Variants in MMUT observed in about 807,000 individuals in gnomAD.
MMUT encodes the protein methylmalonyl-CoA mutase.
Under a neutral mutation model 79.9 loss-of-function variants are expected in MMUT, and 79 were observed. That is an observed-to-expected ratio of 0.99 (90% CI 0.82 to 1.19). The LOEUF is 1.19. Among genes scored for constraint, MMUT ranks in the 50% most tolerant of loss-of-function variants. MMUT has a pLI of 0.00. For synonymous variants in MMUT, 273 were observed against 295.7 expected, an observed-to-expected ratio of 0.92 and a Z score of 0.79; for missense variants, 860 against 917.2, an observed-to-expected ratio of 0.94 and a Z score of 0.81.
At chr6:49,432,017 A>G (rs1766992963) in intron 12 of MMUT, among the ~76,000 whole-genome samples, 161 bp from the exon 13 acceptor site, 1 of 152,180 alleles carries the variant, frequency 6.6e-6, no homozygotes, top group African/African-American at 2.4e-5. Context: ...TGGGAGTGCT[A>G]CTAATAGTCA....
Position 49,453,736 on chromosome 6 carries a change from A to G in MMUT, c.932T>C (p.Ile311Thr). Residue 311 changes from isoleucine to threonine, a missense_variant, in exon 5 of 13, where the codon ATT becomes ACT. Ile to Thr is a moderately conservative substitution (Grantham distance 89). Coordinates refer to ENST00000274813, the MANE Select transcript of MMUT (RefSeq NM_000255.4). ...FAPRLSFFWG[I>T]GMNFYMEIAK... is the part of the protein sequence containing the mutation. ...TATTTCCATATAGAAATTCATTCCA[A>G]TTCCCCAGAAGAAAGACAACCTAAA... 6.2e-7 allele frequency: 1 copy of G among 1,612,884 alleles called. No individual in the cohort carries two copies. Among genetic ancestry groups the G allele is most frequent in the Non-Finnish European group, 8.5e-7 (1 of 1,179,312 alleles).
rs555369519 is a variant in MMUT, at chr6:49,439,748, C to G, written c.1956+458G>C. Among the ~76,000 whole-genome samples, 5 of 152,268 alleles carry G rather than the reference C, an allele frequency of 3.3e-5. No individual in the cohort carries two copies. In the South Asian group the frequency reaches 1.0e-3, roughly 32 times the overall value. ...TCTCAACAGGTCCCACACCACTGGA[C>G]CCCTTACTGAGGGAGAAGGTCCCTG... On this transcript the variant is annotated intron_variant, in intron 11 of 12. Transcript: ENST00000274813.
rs192605776 is a variant in MMUT at position 49,431,602 on chromosome 6, T to C, written c.*126A>G. ...CACCAGGCCTATAAGTAAGGTATTT[T>C]AAAGTAAAGCTTTCAAGGAAAGTAC... On this transcript the variant is annotated 3_prime_UTR_variant, in exon 13 of 13. Transcript: ENST00000274813. 3.2e-3 allele frequency: 3,299 copies of C among 1,021,340 alleles called. 9 individuals carry two copies. The highest frequency in any genetic ancestry group is 4.2e-3 in the Non-Finnish European group (2,820 of 677,522). The allele number at this position is 1,021,340 out of a possible 1,614,324, so 63.3% of individuals were successfully genotyped here. A position where few individuals can be genotyped will look rare whatever the true frequency, so the allele number is the denominator to read the frequency against.
At chr6:49,453,878 T>G (rs1767621820) in intron 4 of MMUT, 122 bp from the exon 5 acceptor site, 1 of 854,316 alleles carries the variant, frequency 1.2e-6, no homozygotes, top group African/African-American at 1.7e-5. Flanking sequence ...AGAACTTAAT[T>G]TGAATTAAGA....
At chr6:49,452,285 C>A (rs1767573797) in intron 5 of MMUT, among the ~76,000 whole-genome samples, 1 of 151,968 alleles carries the variant, frequency 6.6e-6, no homozygotes, top group African/African-American at 2.4e-5. Context: ...TCCTTCCAAC[C>A]CTAAAAATCT....
At chr6:49,433,930 T>C (rs1023432866) in intron 12 of MMUT, among the ~76,000 whole-genome samples, 5 of 152,218 alleles carry the variant, frequency 3.3e-5, no homozygotes, top group Non-Finnish European at 4.4e-5. Flanking sequence ...GTTAAATTCA[T>C]GGGAAAAATC....
In MMUT at chr6:49,459,375, C is replaced by A; in HGVS notation, c.92G>T (p.Arg31Leu). 1 of 1,613,680 alleles carries A rather than the reference C, an allele frequency of 6.2e-7. No homozygotes were observed. The highest frequency in any genetic ancestry group is 8.5e-7 in the Non-Finnish European group (1 of 1,179,948). The change falls in exon 2 of 13, where the codon CGA (arginine) becomes CTA (leucine). Residue 31 changes from arginine to leucine, a missense_variant. Physicochemically the swap from Arg to Leu is moderately radical, Grantham distance 102 (BLOSUM62 -2). Coordinates refer to ENST00000274813, the MANE Select transcript of MMUT (RefSeq NM_000255.4). The part of the protein sequence containing the change: ...ESSGSRLIQQ[R>L]LLHQQQPLHP... ...AAGGGGCTGTTGCTGGTGTAGAAGT[C>A]GTTGCTGTATGAGCCTGGAGCCTGA...
chr6:49,441,409 A>T (rs1036173604), intron 10 of MMUT, among the ~76,000 whole-genome samples: 1 of 151,966 alleles, frequency 6.6e-6, no homozygotes, highest in Non-Finnish European at 1.5e-5. Context: ...TAGTAAGCAG[A>T]TTGAAATATA....
intron 4 of MMUT, among the ~76,000 whole-genome samples, chr6:49,454,084 G>GT (rs1561957695): frequency 6.6e-6 from 1 of 152,132 alleles, no homozygotes; most frequent in Non-Finnish European, 1.5e-5. Flanking sequence ...TACTCAATAT[G>GT]TAAGACAGGA....
Position 49,440,252 on chromosome 6 carries a change from C to T in MMUT, c.1910G>A (p.Gly637Glu). The change falls in exon 11 of 13, where the codon GGA (glycine) becomes GAA (glutamate). Residue 637 changes from glycine to glutamate, a missense_variant. Gly to Glu is a moderately conservative substitution (Grantham distance 98). Coordinates refer to ENST00000274813, the MANE Select transcript of MMUT (RefSeq NM_000255.4). ...CACATCAAAACCAAGATCAGCAAATCCTGTAGCAATAACTTTTGCTCCTCT... is the reference window on the plus strand; with the variant it reads ...CACATCAAAACCAAGATCAGCAAATTCTGTAGCAATAACTTTTGCTCCTCT... Reference protein sequence around the residue: ...HDRGAKVIATGFADLGFDVDI... With the variant: ...HDRGAKVIATEFADLGFDVDI... The T allele has an allele frequency of 6.2e-7, 1 of 1,614,094 alleles. No individual in the cohort carries two copies. The highest frequency in any genetic ancestry group is 8.5e-7 in the Non-Finnish European group (1 of 1,179,976).
chr6:49,460,540 A>G (rs1434769967), intron 1 of MMUT, among the ~76,000 whole-genome samples: 1 of 152,180 alleles, frequency 6.6e-6, no homozygotes, highest in South Asian at 2.1e-4. Context: ...CATTTTCCAG[A>G]TGTAGAAACT....
chr6:49,435,430 A>G (rs200961731), intron 12 of MMUT, 26 bp downstream of exon 12: 215 of 1,592,148 alleles, frequency 1.4e-4, no homozygotes, highest in Non-Finnish European at 1.6e-4. Flanking sequence ...CCATCACAGT[A>G]CTAGAAAAAT....
intron 5 of MMUT, among the ~76,000 whole-genome samples, chr6:49,452,495 G>A (rs1200739140): frequency 1.3e-5 from 2 of 151,906 alleles, no homozygotes; most frequent in African/African-American, 4.8e-5. Flanking sequence ...AACACACCTG[G>A]CTAATTTTTT....
intron 9 of MMUT, among the ~76,000 whole-genome samples, chr6:49,442,209 A>T (rs1388351968): frequency 2.0e-5 from 3 of 152,110 alleles, no homozygotes; most frequent in Non-Finnish European, 2.9e-5. Context: ...CCAAGAAATG[A>T]CTGAATGACC....
At chr6:49,450,798 T>C (rs1358958076) in intron 6 of MMUT, among the ~76,000 whole-genome samples, 1 of 152,104 alleles carries the variant, frequency 6.6e-6, no homozygotes, top group African/African-American at 2.4e-5. Context: ...GGATTCAAGA[T>C]TCAGAATTAA....
rs1408553514 is a variant in MMUT, at chr6:49,448,814, A to C, written c.1444+2T>G. On this transcript the variant is annotated splice_donor_variant, in intron 7 of 12. Transcript: ENST00000274813. LOFTEE classifies it high-confidence loss of function. The stretch of plus-strand genomic sequence containing the variant: ...CATATATGAACTTTCTCACTATCTT[A>C]CCAGAATCTATTCTAGCTTGTCTTC... 6.2e-7 allele frequency: 1 copy of C among 1,603,854 alleles called. No individual in the cohort carries two copies. Among genetic ancestry groups the C allele is most frequent in the Non-Finnish European group, 8.5e-7 (1 of 1,170,956 alleles).
At chr6:49,450,789 G>T (rs908538165) in intron 6 of MMUT, among the ~76,000 whole-genome samples, 5 of 152,120 alleles carry the variant, frequency 3.3e-5, no homozygotes, top group Non-Finnish European at 5.9e-5. Flanking sequence ...ATAGACATGG[G>T]ATTCAAGATT....
chr6:49,459,083 C>T lies in MMUT; in HGVS notation c.384G>A (p.Lys128=), dbSNP rs1767767152. 1 of 1,613,624 alleles carries T rather than the reference C, an allele frequency of 6.2e-7. No homozygotes were observed. The highest frequency in any genetic ancestry group is 8.5e-7 in the Non-Finnish European group (1 of 1,179,756). The change falls in exon 2 of 13, where the codon AAG becomes AAA. Residue 128 remains lysine (K), a splice_region_variant and synonymous_variant. Coordinates refer to ENST00000274813, the MANE Select transcript of MMUT (RefSeq NM_000255.4). ...ESNKFYKDNI[K]AGQQGLSVAF... ...TTATGTCTTACATTAAAATCTCACC[C>T]TTAATGTTGTCCTTATAGAACTTAT...
Position 49,440,282 on chromosome 6 carries a change from T to C in MMUT, c.1880A>G (p.His627Arg), listed in dbSNP as rs372486357. 14 of 1,614,010 alleles carry C rather than the reference T, an allele frequency of 8.7e-6. No homozygotes were observed. The highest frequency in any genetic ancestry group is 1.0e-5 in the Non-Finnish European group (12 of 1,179,984). The change falls in exon 11 of 13, where the codon CAT becomes CGT. Residue 627 changes from histidine to arginine, a missense_variant. Coordinates refer to ENST00000274813, the MANE Select transcript of MMUT (RefSeq NM_000255.4). ...LLVAKMGQDG[H>R]DRGAKVIATG... Reference sequence around the variant, plus strand: ...AGCAATAACTTTTGCTCCTCTGTCATGGCCATCTTGTCCCATTTTTGCTAC... The same window carrying C: ...AGCAATAACTTTTGCTCCTCTGTCACGGCCATCTTGTCCCATTTTTGCTAC...
Sources: gnomAD v4.1 joint callset for allele counts (sites outside exome capture counted in the v4.1 genomes callset) on GRCh38, gnomAD v4.1.1 for gene constraint, MANE v1.5 for transcripts, NCBI Gene and HGNC (gene_info 2026-07-23, HGNC 2026-07-21) for gene names.